Variants in CATSPER2 observed in about 807,000 individuals in gnomAD.
CATSPER2 encodes cation channel sperm-associated protein 2.
A neutral mutation model predicts 68.8 loss-of-function variants in CATSPER2; 56 were observed. The ratio of observed to expected loss-of-function variants is 0.81; its 90% CI spans 0.66 to 1.02. CATSPER2 has a LOEUF of 1.02. Among genes scored for constraint, CATSPER2 ranks in the 50% least tolerant of loss-of-function variants. The pLI is 0.00. For missense variants in CATSPER2, 582 were observed against 642.0 expected (o/e 0.91, Z 1.01); for synonymous variants, 198 against 229.9 (o/e 0.86, Z 1.26).
At position 43,635,425 on chromosome 15, in the gene CATSPER2, C is replaced by CAA. The variant is rs375933133; in HGVS notation, c.1122-11_1122-10dup. 3.7e-5 allele frequency: 51 copies of CAA among 1,373,394 alleles called. No homozygotes were observed. The highest frequency in any genetic ancestry group is 7.8e-5 in the Admixed American group (4 of 51,100). The allele number at this position is 1,373,394 out of a possible 1,614,324, so 85.1% of individuals were successfully genotyped here. The stretch of plus-strand genomic sequence containing the variant: ...GTGACATGTTTTTTCTCCTGCAGAG[C>CAA]AAAAAAAAAAAAGAGCAAAGACAGT... On this transcript the variant is annotated splice_polypyrimidine_tract_variant and intron_variant, in intron 9 of 12. Transcript: ENST00000396879.
At position 43,647,909 on chromosome 15, in the gene CATSPER2, C is replaced by G. The variant is rs368568167; in HGVS notation, c.145+8G>C. Reference sequence around the variant, plus strand: ...AAATTTAAATTAGTGAAGAAATAGGCTGCTGACCAAGTAACTCCCTGATAG... The same window carrying G: ...AAATTTAAATTAGTGAAGAAATAGGGTGCTGACCAAGTAACTCCCTGATAG... On this transcript the variant is annotated splice_region_variant and intron_variant, in intron 2 of 12. Transcript: ENST00000396879. 1 of 1,613,106 alleles carries G rather than the reference C, an allele frequency of 6.2e-7. No homozygotes were observed. Among genetic ancestry groups the G allele is most frequent in the Non-Finnish European group, 8.5e-7 (1 of 1,179,344 alleles).
intron 12 of CATSPER2, 28 bp downstream of exon 12, chr15:43,632,171 G>A (rs2085883619): frequency 6.2e-7 from 1 of 1,607,508 alleles, no homozygotes; most frequent in African/African-American, 1.3e-5. Flanking sequence ...ATATTCCCAT[G>A]GTCCCCATGA....
chr15:43,632,228 T>C lies in CATSPER2; in HGVS notation c.1532A>G (p.Glu511Gly), dbSNP rs758627479. Reference sequence around the variant, plus strand: ...AAACTCTTGTAACTTCTTACGTTCCTCTAGGTTATACTGAAGCTTTTCTAG... The same window carrying C: ...AAACTCTTGTAACTTCTTACGTTCCCCTAGGTTATACTGAAGCTTTTCTAG... ...ELLEKLQYNL[E>G]ERKKLQEFAV... Residue 511 changes from glutamate to glycine, a missense_variant, in exon 12 of 13, where the codon GAG (glutamate) becomes GGG (glycine). Transcript: ENST00000396879. The C allele has an allele frequency of 6.2e-7, 1 of 1,613,716 alleles. No individual in the cohort carries two copies.
At position 43,635,208 on chromosome 15, in the gene CATSPER2, T is replaced by G. The variant is rs952589880; in HGVS notation, c.1178+152A>C. 7 of 772,870 alleles carry G rather than the reference T, an allele frequency of 9.1e-6. No homozygotes were observed. In the African/African-American group the frequency reaches 1.2e-4, roughly 13 times the overall value. The allele number at this position is 772,870 out of a possible 1,614,324, so 47.9% of individuals were successfully genotyped here. On this transcript the variant is annotated intron_variant, in intron 10 of 12. Transcript: ENST00000396879. ...TCACAGGTTCCAGGGAGCAAAGACA[T>G]GGACATATTATTTCGGGTGCCACTA...
At position 43,629,807 on chromosome 15, in the gene CATSPER2, G is replaced by A. The variant is rs1035921648; in HGVS notation, c.*894C>T. ...GGCAAAATGAAATAAAGAGACTTCC[G>A]GTCCAGAAACAGGTAAAAATAATAT... On this transcript the variant is annotated 3_prime_UTR_variant, in exon 13 of 13. Coordinates refer to ENST00000396879, the MANE Select transcript of CATSPER2 (RefSeq NM_172095.4). 8 of 151,596 alleles carry A rather than the reference G, an allele frequency of 5.3e-5. No individual in the cohort carries two copies. The highest frequency in any genetic ancestry group is 1.0e-4 in the Non-Finnish European group (7 of 67,968). 9.4% of individuals were successfully genotyped at this position (151,596 alleles called of 1,614,324 possible).
intron 4 of CATSPER2, among the ~76,000 whole-genome samples, chr15:43,641,159 C>G (rs2086066941): frequency 1.3e-5 from 2 of 151,042 alleles, no homozygotes; most frequent in Non-Finnish European, 3.0e-5. Flanking sequence ...TCTTGTTGCC[C>G]AGGCTGGAGT....
intron 7 of CATSPER2, among the ~76,000 whole-genome samples, chr15:43,638,286 C>CT (rs71460446): frequency 0.038 from 3,092 of 81,918 alleles, 270 homozygotes; most frequent in African/African-American, 0.15. Flanking sequence ...TTCTTTCTTT[C>CT]TTTTTTTTTT....
rs1252668630 is a variant in CATSPER2, at chr15:43,635,653, G to A, written c.1121+74C>T. 17 of 1,403,462 alleles carry A rather than the reference G, an allele frequency of 1.2e-5. 1 individual carries two copies. Among genetic ancestry groups the A allele is most frequent in the South Asian group, 4.8e-5 (4 of 84,026 alleles). 86.9% of individuals were successfully genotyped at this position (1,403,462 alleles called of 1,614,324 possible). A position where few individuals can be genotyped will look rare whatever the true frequency, so the allele number is the denominator to read the frequency against. ...CTGTCACAAAGGGAAAAGTGGGGTC[G>A]AGAAGTAGAAACAAGAAATGAGCTC... is the stretch of plus-strand genomic sequence containing the variant. On this transcript the variant is annotated intron_variant, in intron 9 of 12. Transcript: ENST00000396879.
Position 43,647,086 on chromosome 15 carries a change from C to G in CATSPER2, c.352G>C (p.Val118Leu), listed in dbSNP as rs562241915. Residue 118 changes from valine to leucine, a missense_variant, in exon 4 of 13, where the codon GTC becomes CTC. Physicochemically the swap from Val to Leu is conservative, Grantham distance 32 (BLOSUM62 1). Transcript: ENST00000396879. ...PLFKNFIIFL[V>L]FLNTIILMVE... ...ATCAATATGATCGTATTCAAAAAGA[C>G]CAGGAAGATGATGAAGTTTTTGAAG... 4 of 1,612,940 alleles carry G rather than the reference C, an allele frequency of 2.5e-6. No homozygotes were observed. Among genetic ancestry groups the G allele is most frequent in the Non-Finnish European group, 3.4e-6 (4 of 1,179,132 alleles).
intron 7 of CATSPER2, 36 bp downstream of exon 7, chr15:43,638,868 T>A (rs778347224): frequency 6.2e-7 from 1 of 1,611,166 alleles, no homozygotes; most frequent in Non-Finnish European, 8.5e-7. Flanking sequence ...TAGCCAAATT[T>A]TCTCCCCTCA....
In CATSPER2 at chr15:43,629,868, T is replaced by C. The variant is rs911323453; in HGVS notation, c.*833A>G. ...TTAATGGTTCACAAGAGAAGCAACA[T>C]GAGTGGAACACGCAATGGAAACAAT... On this transcript the variant is annotated 3_prime_UTR_variant, in exon 13 of 13. Coordinates refer to ENST00000396879, the MANE Select transcript of CATSPER2 (RefSeq NM_172095.4). 1.3e-5 allele frequency: 2 copies of C among 151,828 alleles called. No homozygotes were observed. Among genetic ancestry groups the C allele is most frequent in the Non-Finnish European group, 2.9e-5 (2 of 67,986 alleles). The allele number at this position is 151,828 out of a possible 1,614,324, so 9.4% of individuals were successfully genotyped here. A position where few individuals can be genotyped will look rare whatever the true frequency, so the allele number is the denominator to read the frequency against.
chr15:43,630,893 GT>G (rs201673230), intron 12 of CATSPER2, among the ~76,000 whole-genome samples, 161 bp from the exon 13 acceptor site: 4,235 of 151,958 alleles, frequency 0.028, 132 homozygotes, highest in African/African-American at 0.061. Flanking sequence ...CCATAGACAA[GT>G]TTTATTAGGA....
intron 4 of CATSPER2, among the ~76,000 whole-genome samples, chr15:43,642,175 C>G (rs1022079913): frequency 1.3e-5 from 2 of 151,558 alleles, no homozygotes; most frequent in Admixed American, 6.6e-5. Flanking sequence ...TCTCAGCTCA[C>G]TGCAACCTCC....
chr15:43,633,378 G>A, intron 10 of CATSPER2: 1 of 222,240 alleles, frequency 4.5e-6, no homozygotes, highest in South Asian at 7.1e-5. Flanking sequence ...TCCCTACAAT[G>A]GCACCCATAA....
chr15:43,637,785 G>T (rs2085990080), intron 7 of CATSPER2: 1 of 151,838 alleles, frequency 6.6e-6, no homozygotes, highest in Non-Finnish European at 1.5e-5. Flanking sequence ...GTGTGCATGT[G>T]TAATATGTAG....
At position 43,630,422 on chromosome 15, in the gene CATSPER2, T is replaced by C; in HGVS notation, c.*279A>G. ...CAGGCTGGAGTGCAGTGGTGCAATCTTGGCTCACTGCAACCTCTGACTCCC... is the reference window on the plus strand; with the variant it reads ...CAGGCTGGAGTGCAGTGGTGCAATCCTGGCTCACTGCAACCTCTGACTCCC... On this transcript the variant is annotated 3_prime_UTR_variant, in exon 13 of 13. Coordinates refer to ENST00000396879, the MANE Select transcript of CATSPER2 (RefSeq NM_172095.4). 2.0e-6 allele frequency: 1 copy of C among 493,054 alleles called. No homozygotes were observed. The highest frequency in any genetic ancestry group is 3.6e-6 in the Non-Finnish European group (1 of 277,718). 30.5% of individuals were successfully genotyped at this position (493,054 alleles called of 1,614,324 possible).
Position 43,636,169 on chromosome 15 carries a change from T to C in CATSPER2, c.893A>G (p.His298Arg), listed in dbSNP as rs375430317. The C allele has an allele frequency of 1.2e-6, 2 of 1,611,844 alleles. No individual in the cohort carries two copies. The highest frequency in any genetic ancestry group is 2.7e-5 in the African/African-American group (2 of 74,604). Reference sequence around the variant, plus strand: ...GACGTCCTGAAGCAGTGCATACCAATGATCCAAGGTGAAGAGAATGAACAC... The same window carrying C: ...GACGTCCTGAAGCAGTGCATACCAACGATCCAAGGTGAAGAGAATGAACAC... The part of the protein sequence containing the change: ...VTVFILFTLD[H>R]WYALLQDVWK... The change falls in exon 8 of 13, where the codon CAT (histidine) becomes CGT (arginine). Residue 298 changes from histidine to arginine, a missense_variant. Around this residue, in one of 5 missense-constraint regions of CATSPER2, gnomAD observed 14 missense variants for 33.7 expected, o/e 0.42. Coordinates refer to ENST00000396879, the MANE Select transcript of CATSPER2 (RefSeq NM_172095.4).
At chr15:43,644,213 T>A (rs1025339932) in intron 4 of CATSPER2, among the ~76,000 whole-genome samples, 8 of 152,038 alleles carry the variant, frequency 5.3e-5, no homozygotes, top group South Asian at 2.1e-4. Flanking sequence ...GGAAAAAAAA[T>A]TTTTTAAGCC....
At chr15:43,643,748 G>C (rs1262147862) in intron 4 of CATSPER2, among the ~76,000 whole-genome samples, 2 of 151,884 alleles carry the variant, frequency 1.3e-5, no homozygotes, top group Non-Finnish European at 2.9e-5. Context: ...ACTTTATATA[G>C]CACATCAAAC....
Sources: gnomAD v4.1 joint callset for allele counts (sites outside exome capture counted in the v4.1 genomes callset) on GRCh38, gnomAD v4.1.1 for gene constraint, gnomAD v4.1.1 regional missense constraint, MANE v1.5 for transcripts, NCBI Gene and HGNC (gene_info 2026-07-23, HGNC 2026-07-21) for gene names.